FOXP1: variants seen among roughly 807,000 people sequenced by gnomAD.
The protein encoded by FOXP1 is forkhead box P1.
A neutral mutation model predicts 98.2 loss-of-function variants in FOXP1; 15 were observed. The ratio of observed to expected loss-of-function variants is 0.15; its 90% CI spans 0.10 to 0.24. FOXP1 has a LOEUF of 0.24. Ranked by LOEUF, FOXP1 falls within the 10% of genes least tolerant of loss-of-function variation. FOXP1 has a pLI of 1.00. For synonymous variants in FOXP1, 371 were observed against 314.5 expected (o/e 1.18, Z -1.90); for missense variants, 633 against 848.5 (o/e 0.75, Z 3.15).
chr3:71,219,544 G>A (rs184772599), intron 5 of FOXP1, among the ~76,000 whole-genome samples: 84 of 152,214 alleles, frequency 5.5e-4, no homozygotes, highest in Admixed American at 5.0e-3. Flanking sequence ...TTATGAAATC[G>A]AAATACAGAT....
At chr3:71,571,167 G>A (rs1000365689) in intron 2 of FOXP1, 15 of 152,146 alleles carry the variant, frequency 9.9e-5, no homozygotes, top group African/African-American at 3.6e-4. Flanking sequence ...TTGTTGACAA[G>A]GAAGGTAGAA....
In FOXP1 at chr3:71,207,641, G is replaced by C. The variant is rs137864635; in HGVS notation, c.-11-9249C>G. On this transcript the variant is annotated intron_variant, in intron 5 of 20. Coordinates refer to ENST00000649528, the MANE Select transcript of FOXP1 (RefSeq NM_001349338.3). Reference sequence around the variant, plus strand: ...CCCTCCAGCCTCCACCCTCACCCTGGTCGGTGTTGTATCTTTGTAATTTAC... The same window carrying C: ...CCCTCCAGCCTCCACCCTCACCCTGCTCGGTGTTGTATCTTTGTAATTTAC... Among the ~76,000 whole-genome samples the C allele has an allele frequency of 2.7e-3, 407 of 152,172 alleles. 3 individuals carry two copies. The highest frequency in any genetic ancestry group is 9.2e-3 in the African/African-American group (381 of 41,504).
intron 3 of FOXP1, among the ~76,000 whole-genome samples, chr3:71,366,066 CAAT>C (rs2078911227): frequency 6.6e-6 from 1 of 152,154 alleles, no homozygotes; most frequent in Non-Finnish European, 1.5e-5. Flanking sequence ...ATGCCAGAAA[CAAT>C]GAGTCAAATG....
intron 4 of FOXP1, among the ~76,000 whole-genome samples, chr3:71,307,153 G>A (rs375219927): frequency 5.3e-5 from 8 of 152,114 alleles, no homozygotes; most frequent in East Asian, 1.9e-4. Flanking sequence ...GAACTCTGTG[G>A]CCAAATCCAG....
chr3:71,356,041 T>C (rs2078131537), intron 4 of FOXP1, among the ~76,000 whole-genome samples: 1 of 151,920 alleles, frequency 6.6e-6, no homozygotes, highest in African/African-American at 2.4e-5. Flanking sequence ...AGGACCTGCT[T>C]TGCCGAGTCA....
intron 2 of FOXP1, chr3:71,573,752 A>G (rs1023734166): frequency 6.6e-6 from 1 of 152,112 alleles, no homozygotes; most frequent in African/African-American, 2.4e-5. Flanking sequence ...TGTTATCTGA[A>G]GATGCCCCAC....
At chr3:70,994,229 C>A (rs572453019) in intron 13 of FOXP1, among the ~76,000 whole-genome samples, 1 of 151,140 alleles carries the variant, frequency 6.6e-6, no homozygotes, top group Non-Finnish European at 1.5e-5. Flanking sequence ...ATGGGGCATT[C>A]AATAGCTCTC....
intron 11 of FOXP1, among the ~76,000 whole-genome samples, chr3:71,016,304 T>C (rs2044473805): frequency 6.6e-6 from 1 of 152,138 alleles, no homozygotes; most frequent in Non-Finnish European, 1.5e-5. Flanking sequence ...GGGTTAATCC[T>C]CCAGTGGGGT....
In FOXP1 at chr3:71,096,326, T is replaced by C. The variant is rs1011401080; in HGVS notation, c.282+16210A>G. ...TTATGAAGGTTTTTAAATATACACA[T>C]GCTTGGGCCCCATCCTAAGATTCTC... On this transcript the variant is annotated intron_variant, in intron 7 of 20. Coordinates refer to ENST00000649528, the MANE Select transcript of FOXP1 (RefSeq NM_001349338.3). 3.3e-5 allele frequency among the ~76,000 whole-genome samples: 5 copies of C among 152,334 alleles called. No individual in the cohort carries two copies. The East Asian group carries it at 9.6e-4, about 29-fold the overall frequency.
chr3:71,318,108 A>G (rs1001350061), intron 4 of FOXP1, among the ~76,000 whole-genome samples: 36 of 152,256 alleles, frequency 2.4e-4, no homozygotes, highest in African/African-American at 8.7e-4. Flanking sequence ...TTTTTAAAAA[A>G]TGTAGTGATA....
intron 2 of FOXP1, among the ~76,000 whole-genome samples, chr3:71,507,407 A>G (rs2041905662): frequency 6.6e-6 from 1 of 152,134 alleles, no homozygotes; most frequent in Non-Finnish European, 1.5e-5. Context: ...ATTATCTAGT[A>G]TATGAAAACA....
chr3:71,009,375 C>T (rs969250728), intron 12 of FOXP1, among the ~76,000 whole-genome samples: 24 of 152,026 alleles, frequency 1.6e-4, no homozygotes, highest in African/African-American at 4.8e-4. Context: ...GCATGGTCAA[C>T]GGCTGCTTTT....
At chr3:71,531,320 A>G (rs1018335094) in intron 2 of FOXP1, among the ~76,000 whole-genome samples, 2 of 152,192 alleles carry the variant, frequency 1.3e-5, no homozygotes, top group Admixed American at 6.5e-5. Context: ...TAGCACAGGC[A>G]GCTGCCCGGC....
At chr3:71,373,079 C>T (rs181732329) in intron 3 of FOXP1, among the ~76,000 whole-genome samples, 5 of 152,156 alleles carry the variant, frequency 3.3e-5, no homozygotes, top group Non-Finnish European at 5.9e-5. Context: ...CTACCCTGGA[C>T]GACTCCGAAA....
intron 4 of FOXP1, among the ~76,000 whole-genome samples, chr3:71,315,730 C>T (rs2075038112): frequency 1.3e-5 from 2 of 152,118 alleles, no homozygotes; most frequent in Non-Finnish European, 2.9e-5. Flanking sequence ...AATATGGCCC[C>T]TGGGAACATC....
At chr3:71,149,242 C>T (rs1055324772) in intron 6 of FOXP1, among the ~76,000 whole-genome samples, 3 of 152,146 alleles carry the variant, frequency 2.0e-5, no homozygotes, top group African/African-American at 7.2e-5. Context: ...GGAGGAAAGG[C>T]AAGTTATAAG....
At chr3:71,308,769 G>A (rs990340945) in intron 4 of FOXP1, among the ~76,000 whole-genome samples, 20 of 107,320 alleles carry the variant, frequency 1.9e-4, no homozygotes, top group African/African-American at 6.2e-4. Flanking sequence ...GTGTGTGTGT[G>A]TGTGTGTGTG....
At position 70,956,742 on chromosome 3, in the gene FOXP1, T is replaced by G. The variant is rs1015819735; in HGVS notation, c.*2505A>C. 6.5e-6 allele frequency: 1 copy of G among 154,786 alleles called. No individual in the cohort carries two copies. Among genetic ancestry groups the G allele is most frequent in the African/African-American group, 4.6e-5 (1 of 21,558 alleles). The allele number at this position is 154,786 out of a possible 1,614,324, so 9.6% of individuals were successfully genotyped here. A position where few individuals can be genotyped will look rare whatever the true frequency, so the allele number is the denominator to read the frequency against. On this transcript the variant is annotated 3_prime_UTR_variant, in exon 21 of 21. Transcript: ENST00000649528. ...AAGCTGCCTGGAAAAGTTTTTTTTT[T>G]TTTTTTTTTTTTTTTTTTTTTTTTT...
chr3:71,314,797 G>C (rs942030284), intron 4 of FOXP1, among the ~76,000 whole-genome samples: 4 of 151,882 alleles, frequency 2.6e-5, no homozygotes, highest in African/African-American at 9.7e-5. Flanking sequence ...TACCAAAAAA[G>C]ACTTTGGGGA....
Sources: gnomAD v4.1 joint callset for allele counts (sites outside exome capture counted in the v4.1 genomes callset) on GRCh38, gnomAD v4.1.1 for gene constraint, MANE v1.5 for transcripts, NCBI Gene and HGNC (gene_info 2026-07-23, HGNC 2026-07-21) for gene names.